PRMT3: variants seen among roughly 807,000 people sequenced by gnomAD.
PRMT3 encodes the protein protein arginine N-methyltransferase 3.
PRMT3 carries 62 observed loss-of-function variants against 71.9 expected under a neutral mutation model. The ratio of observed to expected loss-of-function variants is 0.86; its 90% confidence interval spans 0.70 to 1.07. The LOEUF (loss-of-function observed/expected upper bound fraction) is 1.07. PRMT3 is among the 50% of genes least tolerant of loss of function. PRMT3 has a pLI of 0.00. For missense variants in PRMT3, 663 were observed against 643.0 expected (o/e 1.03, Z -0.34); for synonymous variants, 213 against 220.4 (o/e 0.97, Z 0.30).
chr11:20,399,659 A>G (rs1162559213), intron 7 of PRMT3, among the ~76,000 whole-genome samples: 1 of 152,134 alleles, frequency 6.6e-6, no homozygotes, highest in Non-Finnish European at 1.5e-5. Flanking sequence ...GGCTTTTCAG[A>G]CAGATTAAAG....
At chr11:20,463,918 G>C (rs1490312219) in intron 12 of PRMT3, among the ~76,000 whole-genome samples, 1 of 152,146 alleles carries the variant, frequency 6.6e-6, no homozygotes, top group Admixed American at 6.5e-5. Flanking sequence ...TAGTTTTGCT[G>C]TTTTGTTTGA....
chr11:20,468,522 C>T (rs1224636597), intron 13 of PRMT3, among the ~76,000 whole-genome samples: 4 of 152,124 alleles, frequency 2.6e-5, no homozygotes, highest in Non-Finnish European at 5.9e-5. Flanking sequence ...ATGTGCGCCA[C>T]CACAGCCGGC....
intron 4 of PRMT3, among the ~76,000 whole-genome samples, chr11:20,392,641 C>A (rs1440582110): frequency 1.6e-5 from 2 of 126,712 alleles, no homozygotes; most frequent in South Asian, 2.5e-4. Context: ...TTTTTTTGTC[C>A]TGTTTAAATG....
intron 9 of PRMT3, among the ~76,000 whole-genome samples, chr11:20,424,819 C>T (rs866165822): frequency 6.6e-6 from 1 of 152,226 alleles, no homozygotes; most frequent in Middle Eastern, 3.4e-3. Flanking sequence ...TCTTAGAATT[C>T]AGTAATAAGA....
chr11:20,423,891 A>G (rs1849481472), intron 9 of PRMT3, among the ~76,000 whole-genome samples: 1 of 143,614 alleles, frequency 7.0e-6, no homozygotes, highest in Non-Finnish European at 1.5e-5. Context: ...AAAAAAAAAA[A>G]AAAAAAAAAA....
At chr11:20,504,431 G>T (rs1374658157) in intron 15 of PRMT3, among the ~76,000 whole-genome samples, 1 of 152,048 alleles carries the variant, frequency 6.6e-6, no homozygotes, top group Non-Finnish European at 1.5e-5. Context: ...ACAAACAGTT[G>T]TTTTGGCTAT....
chr11:20,508,080 TG>T (rs1851635711), intron 15 of PRMT3, among the ~76,000 whole-genome samples: 2 of 147,348 alleles, frequency 1.4e-5, no homozygotes, highest in East Asian at 4.0e-4. Flanking sequence ...CACTCCAGCC[TG>T]GGAGAATGCA....
chr11:20,479,417 A>G (rs969758977), intron 13 of PRMT3, among the ~76,000 whole-genome samples: 18 of 152,190 alleles, frequency 1.2e-4, no homozygotes, highest in Admixed American at 3.9e-4. Context: ...ACTACCTTTC[A>G]GTGGAAAAAA....
At position 20,464,533 on chromosome 11, in the gene PRMT3, C is replaced by T. The variant is rs760400794; in HGVS notation, c.1334C>T (p.Thr445Ile). 16 of 1,611,914 alleles carry T rather than the reference C, an allele frequency of 9.9e-6. No homozygotes were observed. Among genetic ancestry groups the T allele is most frequent in the East Asian group, 4.5e-5 (2 of 44,742 alleles). The change falls in exon 13 of 16, where the codon ACA becomes ATA. Residue 445 changes from threonine to isoleucine, a missense_variant. Transcript: ENST00000331079. The part of the protein sequence containing the change: ...SSDFTLKITR[T>I]SMCTAIAGYF... ...GATTTTACCCTGAAAATCACAAGGA[C>T]ATCCATGTGCACGGTAAGCTATTTC...
chr11:20,408,858 C>T (rs1849130131), intron 9 of PRMT3, among the ~76,000 whole-genome samples: 1 of 152,086 alleles, frequency 6.6e-6, no homozygotes, highest in South Asian at 2.1e-4. Flanking sequence ...CTTTGGGAGG[C>T]TGAGGTGAAA....
intron 13 of PRMT3, among the ~76,000 whole-genome samples, chr11:20,476,300 C>T (rs1850782703): frequency 6.6e-6 from 1 of 152,096 alleles, no homozygotes; most frequent in African/African-American, 2.4e-5. Flanking sequence ...TTGCAGTGAG[C>T]TAGATCACCC....
rs143110712 is a variant in PRMT3 at position 20,493,339 on chromosome 11, T to G, written c.1348-580T>G. Among the ~76,000 whole-genome samples, 114 of 152,342 alleles carry G rather than the reference T, an allele frequency of 7.5e-4. 1 individual carries two copies. The East Asian group carries it at 0.02, about 27-fold the overall frequency. On this transcript the variant is annotated intron_variant, in intron 13 of 15. Coordinates refer to ENST00000331079, the MANE Select transcript of PRMT3 (RefSeq NM_005788.4). ...ACAGATATACTGGACTAGAAGAAAT[T>G]AAATGAACTGGCTTTGTATAAATAG...
At chr11:20,425,122 A>AG (rs1849518288) in intron 9 of PRMT3, among the ~76,000 whole-genome samples, 1 of 151,402 alleles carries the variant, frequency 6.6e-6, no homozygotes, top group Non-Finnish European at 1.5e-5. Context: ...AAAAAAAAAA[A>AG]GAAAGAATAC....
chr11:20,503,594 A>G (rs745927324), intron 15 of PRMT3, among the ~76,000 whole-genome samples: 12 of 151,632 alleles, frequency 7.9e-5, no homozygotes, highest in Non-Finnish European at 1.3e-4. Flanking sequence ...ATTTTTATCA[A>G]TGGAATTATA....
At chr11:20,441,794 T>G (rs1453653413) in intron 10 of PRMT3, among the ~76,000 whole-genome samples, 1 of 150,492 alleles carries the variant, frequency 6.6e-6, no homozygotes, top group Non-Finnish European at 1.5e-5. Flanking sequence ...TCAGGTTTTT[T>G]TTTTTTTTTT....
At chr11:20,449,228 A>G (rs1850096624) in intron 10 of PRMT3, among the ~76,000 whole-genome samples, 1 of 152,142 alleles carries the variant, frequency 6.6e-6, no homozygotes, top group East Asian at 1.9e-4. Context: ...ATATGCTAGT[A>G]TTTGCATTGA....
intron 15 of PRMT3, among the ~76,000 whole-genome samples, chr11:20,506,425 G>A (rs1851592251): frequency 1.3e-5 from 2 of 151,614 alleles, no homozygotes; most frequent in South Asian, 4.2e-4. Context: ...TTGTTGAATG[G>A]ATTGCACCTT....
intron 13 of PRMT3, among the ~76,000 whole-genome samples, chr11:20,485,259 T>C (rs1851043503): frequency 6.6e-6 from 1 of 152,186 alleles, no homozygotes; most frequent in Admixed American, 6.5e-5. Context: ...TAGAAGATTA[T>C]TACAGGTTTC....
At chr11:20,464,651 C>A in intron 13 of PRMT3, 105 bp downstream of exon 13, 1 of 1,501,316 alleles carries the variant, frequency 6.7e-7, no homozygotes. Context: ...ATGACTATTG[C>A]CTCTGACAGT....
Sources: allele counts gnomAD v4.1 joint callset (sites outside exome capture counted in the v4.1 genomes callset), GRCh38; gene constraint gnomAD v4.1.1; transcripts MANE v1.5; gene names NCBI Gene and HGNC (gene_info 2026-07-23, HGNC 2026-07-21).